ASB7: variants seen among roughly 807,000 people sequenced by gnomAD.
The protein encoded by ASB7 is ankyrin repeat and SOCS box containing 7, also known as ankyrin repeat and SOCS box protein 7.
In ASB7, 4 loss-of-function variants were observed where a neutral mutation model predicts 32.5. The observed-to-expected ratio is 0.12, with a 90% confidence interval of 0.06 to 0.28. The LOEUF (loss-of-function observed/expected upper bound fraction) is 0.28, where lower values mean the gene tolerates loss of function less well. Ranked by LOEUF, ASB7 falls within the 10% of genes least tolerant of loss-of-function variation. The pLI, the probability that ASB7 is intolerant of heterozygous loss-of-function variation, is 1.00. For missense variants in ASB7, 181 were observed against 407.1 expected, an observed-to-expected ratio of 0.44 and a Z score of 4.78; for synonymous variants, 172 against 155.6, an observed-to-expected ratio of 1.11 and a Z score of -0.78.
At chr15:100,630,198 A>G in intron 5 of ASB7, 156 bp downstream of exon 5, 1 of 1,351,454 alleles carries the variant, frequency 7.4e-7, no homozygotes, top group Admixed American at 3.4e-5. Flanking sequence ...TAAAAAAAAA[A>G]CTTTGACTGT....
intron 5 of ASB7, among the ~76,000 whole-genome samples, chr15:100,630,769 A>G (rs148161736): frequency 1.5e-3 from 228 of 152,214 alleles, no homozygotes; most frequent in Non-Finnish European, 2.2e-3. Flanking sequence ...GCTTGTGTGT[A>G]CTTAGCCATC....
rs1180477578 is a variant in ASB7 at position 100,651,187 on chromosome 15, A to G, written c.*2725A>G. ...ACTGCAAACCTCATCTTTCGAAAAC[A>G]AGGTTTTGTGTTTTTTTTTTTTTGT... is the stretch of plus-strand genomic sequence containing the variant. On this transcript the variant is annotated 3_prime_UTR_variant, in exon 6 of 6. Coordinates refer to ENST00000332783, the MANE Select transcript of ASB7 (RefSeq NM_198243.3). The G allele has an allele frequency of 6.6e-6, 1 of 150,604 alleles. No homozygotes were observed. Among genetic ancestry groups the G allele is most frequent in the Non-Finnish European group, 1.5e-5 (1 of 67,948 alleles). The allele number at this position is 150,604 out of a possible 1,614,324, so 9.3% of individuals were successfully genotyped here.
chr15:100,605,441 C>T (rs2039635705), intron 2 of ASB7, among the ~76,000 whole-genome samples: 1 of 152,162 alleles, frequency 6.6e-6, no homozygotes, highest in Non-Finnish European at 1.5e-5. Context: ...TGCAATGATG[C>T]ATCTTTAGTA....
In ASB7 at chr15:100,629,513, T is replaced by C; in HGVS notation, c.288T>C (p.Ile96=). 1 of 1,614,044 alleles carries C rather than the reference T, an allele frequency of 6.2e-7. No homozygotes were observed. The highest frequency in any genetic ancestry group is 1.1e-5 in the South Asian group (1 of 91,084). Residue 96 remains isoleucine (I), a synonymous_variant, in exon 5 of 6, where the codon ATT becomes ATC. Coordinates refer to ENST00000332783, the MANE Select transcript of ASB7 (RefSeq NM_198243.3). This position sits in a 1 kb window ranked among gnomAD's most constrained non-coding sequence, Gnocchi z 6.8. ...CAGCCATGCATGGCCGGGCCCGCAT[T>C]GCACGCTTGATGTTAGAATCTGAAT... The part of the protein sequence containing the change: ...HYAAMHGRAR[I]ARLMLESEYR...
At chr15:100,627,658 C>T (rs1194986047) in intron 4 of ASB7, among the ~76,000 whole-genome samples, 1 of 152,118 alleles carries the variant, frequency 6.6e-6, no homozygotes, top group Non-Finnish European at 1.5e-5. Context: ...TGTTTTGTAA[C>T]ATAATTTTAA....
At chr15:100,607,216 T>C (rs1942928666) in intron 2 of ASB7, among the ~76,000 whole-genome samples, 2 of 152,188 alleles carry the variant, frequency 1.3e-5, no homozygotes, top group South Asian at 2.1e-4. Context: ...GTGACTTCCA[T>C]GAGCTATCAG....
rs76365351 is a variant in ASB7, at chr15:100,640,556, C to G, written c.818-7767C>G. 1.4e-3 allele frequency among the ~76,000 whole-genome samples: 214 copies of G among 152,176 alleles called. 1 individual carries two copies. The East Asian group carries it at 0.035, about 25-fold the overall frequency. On this transcript the variant is annotated intron_variant, in intron 5 of 5. Coordinates refer to ENST00000332783, the MANE Select transcript of ASB7 (RefSeq NM_198243.3). ...TGGAAGTTCAGGTGTGTAGAGCAAT[C>G]CAGAGGACGCAAATCTTTCACTTCT...
intron 3 of ASB7, among the ~76,000 whole-genome samples, chr15:100,611,845 G>C (rs1191504179): frequency 6.8e-6 from 1 of 146,404 alleles, no homozygotes; most frequent in Non-Finnish European, 1.5e-5. Flanking sequence ...TTTGAGATGG[G>C]GTCTTGCCCT....
chr15:100,631,640 C>T (rs2039884235), intron 5 of ASB7, among the ~76,000 whole-genome samples: 1 of 152,152 alleles, frequency 6.6e-6, no homozygotes, highest in Non-Finnish European at 1.5e-5. Flanking sequence ...TGGTTAATGG[C>T]ATAGACTAGA....
chr15:100,615,336 G>A (rs1463644062), intron 4 of ASB7, among the ~76,000 whole-genome samples: 2 of 152,066 alleles, frequency 1.3e-5, no homozygotes, highest in African/African-American at 4.8e-5. Context: ...AATGGCTTTC[G>A]GCATATTCAT....
chr15:100,624,676 A>T lies in ASB7; in HGVS notation c.212-4761A>T, dbSNP rs531291720. Among the ~76,000 whole-genome samples, 24 of 152,360 alleles carry T rather than the reference A, an allele frequency of 1.6e-4. 1 individual carries two copies. In the South Asian group the frequency reaches 3.5e-3, roughly 22 times the overall value. On this transcript the variant is annotated intron_variant, in intron 4 of 5. Transcript: ENST00000332783. ...TTTTCACTGAGAAGACTTTAGGTCC[A>T]GCTGGCTTCTCATTGAATTATTTCA...
chr15:100,619,918 G>A (rs976421903), intron 4 of ASB7, among the ~76,000 whole-genome samples: 1 of 152,218 alleles, frequency 6.6e-6, no homozygotes, highest in Admixed American at 6.5e-5. Flanking sequence ...TAACAGTGTG[G>A]CTCTCTTTCT....
chr15:100,610,308 C>T (rs956728067), intron 3 of ASB7, among the ~76,000 whole-genome samples: 3 of 151,876 alleles, frequency 2.0e-5, no homozygotes, highest in East Asian at 1.9e-4. Flanking sequence ...TCCTGGCTAA[C>T]ACGGTGAAAC....
chr15:100,633,674 AGGAAGGAAGGAGG>A lies in ASB7; in HGVS notation c.817+3646_817+3658del, dbSNP rs1006528476. On this transcript the variant is annotated intron_variant, in intron 5 of 5. Coordinates refer to ENST00000332783, the MANE Select transcript of ASB7 (RefSeq NM_198243.3). ...GGAAGGAGGAAGGAAGGAAGGAGGA[AGGAAGGAAGGAGG>A]GGAAGGAAGGAGGAAGAAAAAAAAG... Among the ~76,000 whole-genome samples the A allele has an allele frequency of 6.7e-5, 10 of 148,472 alleles. No homozygotes were observed. In the East Asian group the frequency reaches 7.9e-4, roughly 12 times the overall value.
intron 4 of ASB7, among the ~76,000 whole-genome samples, chr15:100,622,210 A>AAAGAAAAAAGAAAG (rs1247319847): frequency 6.6e-6 from 1 of 151,936 alleles, no homozygotes; most frequent in Non-Finnish European, 1.5e-5. Context: ...CAAAAAGAAA[A>AAAGAAAAAAGAAAG]AAGAAAAAAA....
chr15:100,616,533 C>T (rs1427549085), intron 4 of ASB7, among the ~76,000 whole-genome samples: 2 of 152,182 alleles, frequency 1.3e-5, no homozygotes, highest in African/African-American at 4.8e-5. Context: ...GGTACAGTTT[C>T]ACTTTTTTCC....
At position 100,634,866 on chromosome 15, in the gene ASB7, G is replaced by A. The variant is rs116445470; in HGVS notation, c.817+4824G>A. ...TCCTTGTGCAAATGGTATGGAAATT[G>A]GGGGAAACTTTCAGTAACACAGTCC... is the stretch of plus-strand genomic sequence containing the variant. On this transcript the variant is annotated intron_variant, in intron 5 of 5. Coordinates refer to ENST00000332783, the MANE Select transcript of ASB7 (RefSeq NM_198243.3). Among the ~76,000 whole-genome samples, 6 of 152,294 alleles carry A rather than the reference G, an allele frequency of 3.9e-5. No individual in the cohort carries two copies. In the East Asian group the frequency reaches 7.7e-4, roughly 20 times the overall value.
At position 100,648,556 on chromosome 15, in the gene ASB7, T is replaced by C; in HGVS notation, c.*94T>C. 9.1e-7 allele frequency: 1 copy of C among 1,104,924 alleles called. No individual in the cohort carries two copies. The highest frequency in any genetic ancestry group is 1.2e-6 in the Non-Finnish European group (1 of 809,294). The allele number at this position is 1,104,924 out of a possible 1,614,324, so 68.4% of individuals were successfully genotyped here. On this transcript the variant is annotated 3_prime_UTR_variant, in exon 6 of 6. Coordinates refer to ENST00000332783, the MANE Select transcript of ASB7 (RefSeq NM_198243.3). ...AAGTATATCCTATGCAATTTCTGAT[T>C]TGCTGTGAAATCAGAAAGCAGGTAT...
At chr15:100,620,895 A>G (rs2039786208) in intron 4 of ASB7, among the ~76,000 whole-genome samples, 1 of 152,242 alleles carries the variant, frequency 6.6e-6, no homozygotes, top group Non-Finnish European at 1.5e-5. Flanking sequence ...CCAGAAGTTA[A>G]GTCTATAAAG....
Sources: allele counts gnomAD v4.1 joint callset (sites outside exome capture counted in the v4.1 genomes callset), GRCh38; gene constraint gnomAD v4.1.1; non-coding constraint Gnocchi (gnomAD v3.1); transcripts MANE v1.5; gene names NCBI Gene and HGNC (gene_info 2026-07-23, HGNC 2026-07-21).